The following PTPRS variants were observed in gnomAD, a reference collection of about 807,000 sequenced individuals.
PTPRS encodes the protein receptor-type tyrosine-protein phosphatase S.
In PTPRS, 63 loss-of-function variants were observed where a neutral mutation model predicts 215.3. The observed-to-expected ratio is 0.29, with a 90% CI of 0.24 to 0.36. The LOEUF (loss-of-function observed/expected upper bound fraction) is 0.36. Among genes scored for constraint, PTPRS ranks in the 10% least tolerant of loss-of-function variants. The probability of loss-of-function intolerance (pLI) is 1.00; values close to 1 mark genes in which losing one functional copy is unlikely to be tolerated. For missense variants in PTPRS, 2,258 were observed against 2,825.8 expected, an observed-to-expected ratio of 0.80 and a Z score of 4.56; for synonymous variants, 1,404 against 1,191.4, an observed-to-expected ratio of 1.18 and a Z score of -3.68.
chr19:5,217,149 A>C (rs1473359238), intron 25 of PTPRS, among the ~76,000 whole-genome samples: 2 of 152,244 alleles, frequency 1.3e-5, no homozygotes, highest in African/African-American at 2.4e-5. Flanking sequence ...GGGAAAGGAC[A>C]TATGGGCCCA....
At chr19:5,324,963 C>T (rs1039204335) in intron 1 of PTPRS, among the ~76,000 whole-genome samples, 1 of 152,198 alleles carries the variant, frequency 6.6e-6, no homozygotes, top group Non-Finnish European at 1.5e-5. Flanking sequence ...TGTTCTGCCA[C>T]CGTTTGGATC....
Position 5,238,989 on chromosome 19 carries a change from G to A in PTPRS, c.1779C>T (p.Arg593=). 6.2e-7 allele frequency: 1 copy of A among 1,613,370 alleles called. No individual in the cohort carries two copies. The highest frequency in any genetic ancestry group is 8.5e-7 in the Non-Finnish European group (1 of 1,179,834). ...GGCCCTGCGGCGAGCGGGCCGCCAG[G>A]CGGAAGGCGTACTCCGTGTTGGGCT... ...DLKPNTEYAF[R]LAARSPQGLG... Residue 593 remains arginine (R), a synonymous_variant, in exon 13 of 38, where the codon CGC becomes CGT. Coordinates refer to ENST00000262963, the MANE Select transcript of PTPRS (RefSeq NM_002850.4).
At position 5,277,820 on chromosome 19, in the gene PTPRS, C is replaced by G. The variant is rs1355159553; in HGVS notation, c.92-3476G>C. The stretch of plus-strand genomic sequence containing the variant: ...TCCGGCACCAGTCAGACCAATATGT[C>G]AAAATTAAGCGTTAACTGGGGGAAA... On this transcript the variant is annotated intron_variant, in intron 2 of 37. Transcript: ENST00000262963. 3.9e-6 allele frequency: 3 copies of G among 772,430 alleles called. No individual in the cohort carries two copies. The African/African-American group carries it at 5.1e-5, about 13-fold the overall frequency. The allele number at this position is 772,430 out of a possible 1,614,324, so 47.8% of individuals were successfully genotyped here.
At chr19:5,286,405 T>C (rs1000909514) in intron 1 of PTPRS, 171 bp from the exon 2 acceptor site, 1 of 496,808 alleles carries the variant, frequency 2.0e-6, no homozygotes, top group African/African-American at 1.9e-5. Flanking sequence ...GCTGGGCCCT[T>C]GCTATAGAAT....
chr19:5,221,823 C>T (rs1484922787), intron 19 of PTPRS, among the ~76,000 whole-genome samples: 1 of 152,126 alleles, frequency 6.6e-6, no homozygotes, highest in East Asian at 1.9e-4. Context: ...CTCTGATTTC[C>T]AATATGGACT....
rs1380080023 is a variant in PTPRS at position 5,223,155 on chromosome 19, G to A, written c.2637C>T (p.Ala879=). 1.3e-6 allele frequency: 2 copies of A among 1,570,390 alleles called. No homozygotes were observed. The highest frequency in any genetic ancestry group is 1.4e-5 in the African/African-American group (1 of 73,162). ...CCTCGGAGGGCGGGAACTCCAGGGTGGCCAGGGGCGTCGAGTCCTCACGGC... is the reference window on the plus strand; with the variant it reads ...CCTCGGAGGGCGGGAACTCCAGGGTAGCCAGGGGCGTCGAGTCCTCACGGC... ...QFGREDSTPL[A]TLEFPPSEDR... is the part of the protein sequence containing the mutation. Residue 879 remains alanine, a synonymous_variant, in exon 18 of 38, where the codon GCC becomes GCT. Transcript: ENST00000262963.
Position 5,206,656 on chromosome 19 carries a change from G to T in PTPRS, c.*118C>A. 1.2e-6 allele frequency: 1 copy of T among 846,346 alleles called. No individual in the cohort carries two copies. The highest frequency in any genetic ancestry group is 1.9e-6 in the Non-Finnish European group (1 of 521,218). The allele number at this position is 846,346 out of a possible 1,614,324, so 52.4% of individuals were successfully genotyped here. A position where few individuals can be genotyped will look rare whatever the true frequency, so the allele number is the denominator to read the frequency against. Reference sequence around the variant, plus strand: ...TCCTCGGAAATGGTGCAGAAACACAGCTGCTGCCGCTGCCACCTCCTGCCC... The same window carrying T: ...TCCTCGGAAATGGTGCAGAAACACATCTGCTGCCGCTGCCACCTCCTGCCC... On this transcript the variant is annotated 3_prime_UTR_variant, in exon 38 of 38. Transcript: ENST00000262963.
intron 1 of PTPRS, among the ~76,000 whole-genome samples, chr19:5,306,214 A>G (rs2049489329): frequency 6.7e-6 from 1 of 148,792 alleles, no homozygotes; most frequent in African/African-American, 2.5e-5. Context: ...GCACAATCTC[A>G]GCTCACTGCA....
chr19:5,290,813 C>A (rs539925146), intron 1 of PTPRS, among the ~76,000 whole-genome samples: 1 of 151,938 alleles, frequency 6.6e-6, no homozygotes, highest in African/African-American at 2.4e-5. Context: ...ATCCACCCCC[C>A]ACCCACAGCT....
intron 4 of PTPRS, among the ~76,000 whole-genome samples, chr19:5,265,453 T>C (rs1038921862): frequency 2.6e-5 from 4 of 152,196 alleles, no homozygotes; most frequent in Non-Finnish European, 5.9e-5. Flanking sequence ...GTGATCCTCC[T>C]GCCTCAGCCT....
chr19:5,231,229 C>T lies in PTPRS; in HGVS notation c.2155+81G>A, dbSNP rs1239362570. The T allele has an allele frequency of 2.1e-6, 3 of 1,425,784 alleles. No homozygotes were observed. The African/African-American group carries it at 4.2e-5, about 20-fold the overall frequency. 88.3% of individuals were successfully genotyped at this position (1,425,784 alleles called of 1,614,324 possible). A position where few individuals can be genotyped will look rare whatever the true frequency, so the allele number is the denominator to read the frequency against. On this transcript the variant is annotated intron_variant, in intron 14 of 37. Transcript: ENST00000262963. The stretch of plus-strand genomic sequence containing the variant: ...AGGCTTCCGCCCTTTGACCACCAGC[C>T]CAGGTTTCCAGATGGAAGGCTTCGA...
Position 5,215,198 on chromosome 19 carries a change from T to A in PTPRS, c.4318+91A>T, listed in dbSNP as rs746285504. The A allele has an allele frequency of 6.4e-5, 99 of 1,539,998 alleles. No homozygotes were observed. In the Middle Eastern group the frequency reaches 3.2e-3, roughly 51 times the overall value. ...AGCTGGACCAGGTCTATGACCAGAA[T>A]CAGGCCTCAGTGGCCCAAGGGGAGA... is the stretch of plus-strand genomic sequence containing the variant. On this transcript the variant is annotated intron_variant, in intron 28 of 37. Coordinates refer to ENST00000262963, the MANE Select transcript of PTPRS (RefSeq NM_002850.4).
intron 16 of PTPRS, among the ~76,000 whole-genome samples, chr19:5,228,711 G>A: frequency 6.6e-6 from 1 of 152,152 alleles, no homozygotes; most frequent in East Asian, 1.9e-4. Flanking sequence ...CCGTTTTAGG[G>A]GCAGAGAGGT....
In PTPRS at chr19:5,329,173, C is replaced by T. The variant is rs749884995; in HGVS notation, c.-95+11491G>A. ...CTCCCGGCAGAGCAAGGACAAAGGC[C>T]TGGAGGTGGAAACAGGAGAAGGATA... On this transcript the variant is annotated intron_variant, in intron 1 of 37. Coordinates refer to ENST00000262963, the MANE Select transcript of PTPRS (RefSeq NM_002850.4). 2.1e-4 allele frequency among the ~76,000 whole-genome samples: 32 copies of T among 151,990 alleles called. 1 individual carries two copies. The highest frequency in any genetic ancestry group is 2.4e-4 in the Non-Finnish European group (16 of 67,990).
At chr19:5,261,623 G>A (rs138122452) in intron 6 of PTPRS, among the ~76,000 whole-genome samples, 41 of 152,246 alleles carry the variant, frequency 2.7e-4, no homozygotes, top group Non-Finnish European at 5.0e-4. Context: ...ACCTCGATCT[G>A]CCAGGAGTGG....
chr19:5,325,389 G>T (rs564480556), intron 1 of PTPRS, among the ~76,000 whole-genome samples: 1 of 152,274 alleles, frequency 6.6e-6, no homozygotes, highest in South Asian at 2.1e-4. Context: ...GGAGTCGGGG[G>T]ATATGATGGG....
chr19:5,246,438 G>A (rs1031536944), intron 9 of PTPRS, among the ~76,000 whole-genome samples: 6 of 152,168 alleles, frequency 3.9e-5, no homozygotes, highest in African/African-American at 1.2e-4. Flanking sequence ...GCACAGATAC[G>A]AACACAAAAA....
intron 28 of PTPRS, among the ~76,000 whole-genome samples, 159 bp from the exon 29 acceptor site, chr19:5,214,895 T>TCA (rs1307302292): frequency 6.6e-6 from 1 of 152,254 alleles, no homozygotes; most frequent in Non-Finnish European, 1.5e-5. Context: ...CTCAGCGCCA[T>TCA]CACCATTTGG....
intron 13 of PTPRS, among the ~76,000 whole-genome samples, chr19:5,236,593 C>T (rs957071126): frequency 5.3e-5 from 8 of 152,196 alleles, no homozygotes; most frequent in African/African-American, 1.7e-4. Flanking sequence ...TTACTGAGTA[C>T]TTACTATGGA....
Sources: gnomAD v4.1 joint callset for allele counts (sites outside exome capture counted in the v4.1 genomes callset) on GRCh38, gnomAD v4.1.1 for gene constraint, MANE v1.5 for transcripts, NCBI Gene and HGNC (gene_info 2026-07-23, HGNC 2026-07-21) for gene names.